STK32C: variants seen among roughly 807,000 people sequenced by gnomAD.
STK32C encodes the protein serine/threonine kinase 32C.
STK32C carries 31 observed loss-of-function variants against 56.5 expected under a neutral mutation model. The ratio of observed to expected loss-of-function variants is 0.55; its 90% CI spans 0.41 to 0.74. The LOEUF (loss-of-function observed/expected upper bound fraction) is 0.74, where lower values mean the gene tolerates loss of function less well. Ranked by LOEUF, STK32C falls within the 30% of genes least tolerant of loss-of-function variation. STK32C has a pLI of 0.00. For missense variants in STK32C, 544 were observed against 676.9 expected (o/e 0.80, Z 2.18); for synonymous variants, 309 against 289.4 (o/e 1.07, Z -0.69).
At chr10:132,227,081 A>G (rs1041563240) in intron 3 of STK32C, 113 bp from the exon 4 acceptor site, 1 of 1,257,836 alleles carries the variant, frequency 8.0e-7, no homozygotes, top group Non-Finnish European at 1.1e-6. Flanking sequence ...AGCATCAGCC[A>G]CCAGGCATTC....
intron 1 of STK32C, among the ~76,000 whole-genome samples, chr10:132,318,056 T>C (rs2066339616): frequency 6.8e-6 from 1 of 146,148 alleles, no homozygotes; most frequent in East Asian, 2.0e-4. Flanking sequence ...GATCACAAGG[T>C]CAGGAGTTCC....
At chr10:132,269,368 G>T (rs2064740125) in intron 1 of STK32C, among the ~76,000 whole-genome samples, 1 of 152,222 alleles carries the variant, frequency 6.6e-6, no homozygotes. Flanking sequence ...AAAATCTGCT[G>T]CTGAGCTGCA....
chr10:132,228,200 A>C (rs764227165), intron 2 of STK32C, 72 bp from the exon 3 acceptor site: 9 of 1,602,410 alleles, frequency 5.6e-6, no homozygotes, highest in Non-Finnish European at 6.0e-6. Flanking sequence ...CTGGAAATGC[A>C]TGGGGATGCC....
intron 1 of STK32C, among the ~76,000 whole-genome samples, chr10:132,278,085 C>A (rs1282924671): frequency 3.3e-5 from 5 of 152,158 alleles, no homozygotes; most frequent in Non-Finnish European, 5.9e-5. Context: ...ACCATGAAGA[C>A]CCCCTGGGAA....
At chr10:132,226,998 C>G in intron 3 of STK32C, 30 bp from the exon 4 acceptor site, 3 of 1,610,690 alleles carry the variant, frequency 1.9e-6, no homozygotes, top group South Asian at 1.1e-5. Flanking sequence ...GCCTGTTGTG[C>G]GCACAGCTGG....
At position 132,245,767 on chromosome 10, in the gene STK32C, T is replaced by A. The variant is rs150481973; in HGVS notation, c.318+133A>T. The A allele has an allele frequency of 3.4e-6, 3 of 870,938 alleles. No individual in the cohort carries two copies. The African/African-American group carries it at 5.0e-5, about 15-fold the overall frequency. 54.0% of individuals were successfully genotyped at this position (870,938 alleles called of 1,614,324 possible). On this transcript the variant is annotated intron_variant, in intron 2 of 11. Coordinates refer to ENST00000298630, the MANE Select transcript of STK32C (RefSeq NM_173575.4). ...GTGCCCACGTCCTCCCTAAAAGACC[T>A]GGAGCCTCTGCCCAGGTAAGGCTGC...
At position 132,307,566 on chromosome 10, in the gene STK32C, A is replaced by C; in HGVS notation, c.262+6T>G. 1.3e-6 allele frequency: 2 copies of C among 1,541,620 alleles called. No individual in the cohort carries two copies. The highest frequency in any genetic ancestry group is 8.7e-7 in the Non-Finnish European group (1 of 1,146,136). ...GCCCCCACGTCGTCCCCGTGCCCGCACTCACCGTCCTCCTTGTCGTCAAAC... is the reference window on the plus strand; with the variant it reads ...GCCCCCACGTCGTCCCCGTGCCCGCCCTCACCGTCCTCCTTGTCGTCAAAC... On this transcript the variant is annotated splice_donor_region_variant and intron_variant, in intron 1 of 11. Transcript: ENST00000298630. This position sits in a 1 kb window ranked among gnomAD's most constrained non-coding sequence, Gnocchi z 4.4.
chr10:132,307,591 C>T lies in STK32C; in HGVS notation c.243G>A (p.Val81=). 1 of 1,557,516 alleles carries T rather than the reference C, an allele frequency of 6.4e-7. No homozygotes were observed. The highest frequency in any genetic ancestry group is 1.8e-4 in the Middle Eastern group (1 of 5,444). Residue 81 remains valine, a synonymous_variant, in exon 1 of 12, where the codon GTG becomes GTA. Coordinates refer to ENST00000298630, the MANE Select transcript of STK32C (RefSeq NM_173575.4). This position sits in a 1 kb window ranked among gnomAD's most constrained non-coding sequence, Gnocchi z 4.4. Reference sequence around the variant, plus strand: ...ACTCACCGTCCTCCTTGTCGTCAAACACCGGCCTCCGCGCGGTGGCCGCCG... The same window carrying T: ...ACTCACCGTCCTCCTTGTCGTCAAATACCGGCCTCCGCGCGGTGGCCGCCG... ...SMSAATARRP[V]FDDKEDVNFD... is the part of the protein sequence containing the mutation.
At chr10:132,282,483 ACCTGTGCCTGCGCCCACCTGTGCCTGCG>A (rs1371824806) in intron 1 of STK32C, among the ~76,000 whole-genome samples, 1 of 105,988 alleles carries the variant, frequency 9.4e-6, no homozygotes, top group African/African-American at 5.6e-5. Context: ...ACCTGCGCCC[ACCTGTGCCTGCGCCCACCTGTGCCTGCG>A]CCCACCTGTG....
At chr10:132,326,347 T>G (rs879594169) in intron 1 of STK32C, among the ~76,000 whole-genome samples, 8 of 152,204 alleles carry the variant, frequency 5.3e-5, no homozygotes, top group Non-Finnish European at 7.3e-5. Flanking sequence ...TCTATTTTAT[T>G]TTTGAGACAA....
intron 1 of STK32C, among the ~76,000 whole-genome samples, chr10:132,261,848 T>C (rs543811237): frequency 2.0e-5 from 3 of 152,272 alleles, no homozygotes; most frequent in Admixed American, 6.5e-5. Context: ...AGAATCAATA[T>C]TGTTAAAATG....
intron 10 of STK32C, among the ~76,000 whole-genome samples, chr10:132,211,493 G>A (rs1259267764): frequency 6.6e-6 from 1 of 152,210 alleles, no homozygotes; most frequent in East Asian, 1.9e-4. Context: ...TCTGGAAGGG[G>A]TGGCTCTGAG....
In STK32C at chr10:132,297,775, G is replaced by A. The variant is rs189746944; in HGVS notation, c.262+9797C>T. ...TCCGAGACTCCCCGGCGAAGCCCCC[G>A]TAGTCAGGGGCCCGCCCCGCGGCCA... On this transcript the variant is annotated intron_variant, in intron 1 of 11. Coordinates refer to ENST00000298630, the MANE Select transcript of STK32C (RefSeq NM_173575.4). Among the ~76,000 whole-genome samples the A allele has an allele frequency of 2.9e-3, 435 of 152,256 alleles. 1 individual carries two copies. The highest frequency in any genetic ancestry group is 2.7e-3 in the Non-Finnish European group (185 of 68,002).
At position 132,245,884 on chromosome 10, in the gene STK32C, C is replaced by G. The variant is rs886565552; in HGVS notation, c.318+16G>C. On this transcript the variant is annotated intron_variant, in intron 2 of 11. Transcript: ENST00000298630. ...CTGCCCCCTCAGCCCAGTCCCCACC[C>G]CAGGCCCTGCCTTACCTTGCCAAAG... 6.2e-7 allele frequency: 1 copy of G among 1,611,766 alleles called. No homozygotes were observed. The highest frequency in any genetic ancestry group is 1.3e-5 in the African/African-American group (1 of 75,074).
intron 1 of STK32C, among the ~76,000 whole-genome samples, chr10:132,275,520 G>T (rs908938984): frequency 1.1e-4 from 17 of 152,284 alleles, no homozygotes; most frequent in African/African-American, 3.9e-4. Context: ...CTAGGATTTT[G>T]CTCCAGAATC....
chr10:132,325,552 TAA>T (rs563291590), intron 1 of STK32C, among the ~76,000 whole-genome samples: 2 of 141,554 alleles, frequency 1.4e-5, no homozygotes, highest in Non-Finnish European at 1.5e-5. Flanking sequence ...GAGTCCGTCT[TAA>T]AAAAAAAAAA....
chr10:132,317,864 G>T (rs2066335190), intron 1 of STK32C, among the ~76,000 whole-genome samples: 1 of 151,566 alleles, frequency 6.6e-6, no homozygotes, highest in Non-Finnish European at 1.5e-5. Flanking sequence ...TGTAATCCCA[G>T]CTACTCGGGG....
chr10:132,228,612 C>A (rs575027117), intron 2 of STK32C, among the ~76,000 whole-genome samples: 9 of 152,370 alleles, frequency 5.9e-5, no homozygotes, highest in African/African-American at 2.2e-4. Flanking sequence ...CCAGCCACGA[C>A]CTGGGCATGG....
intron 1 of STK32C, among the ~76,000 whole-genome samples, chr10:132,252,304 G>A (rs1040706345): frequency 3.3e-5 from 5 of 152,258 alleles, no homozygotes; most frequent in African/African-American, 9.6e-5. Context: ...CAGGGAGGGG[G>A]CTAAAGCAGG....
Sources: gnomAD v4.1 joint callset for allele counts (sites outside exome capture counted in the v4.1 genomes callset) on GRCh38, gnomAD v4.1.1 for gene constraint, Gnocchi (gnomAD v3.1) non-coding constraint, MANE v1.5 for transcripts, NCBI Gene and HGNC (gene_info 2026-07-23, HGNC 2026-07-21) for gene names.